Variants in RAD54B observed in about 807,000 individuals in gnomAD.
RAD54B encodes RAD54 homolog B.
A neutral mutation model predicts 95.8 loss-of-function variants in RAD54B; 78 were observed. The ratio of observed to expected loss-of-function variants is 0.81; its 90% CI spans 0.68 to 0.98. RAD54B has a LOEUF of 0.98. RAD54B is among the 50% of genes least tolerant of loss of function. The pLI is 0.00. For missense variants in RAD54B, 957 were observed against 1,056.6 expected, an observed-to-expected ratio of 0.91 and a Z score of 1.31; for synonymous variants, 328 against 354.9, an observed-to-expected ratio of 0.92 and a Z score of 0.85.
chr8:94,410,297 T>C (rs1228661228), intron 4 of RAD54B, among the ~76,000 whole-genome samples: 1 of 152,214 alleles, frequency 6.6e-6, no homozygotes, highest in Non-Finnish European at 1.5e-5. Flanking sequence ...GCAGATTAAA[T>C]GGTTCTTTTA....
intron 10 of RAD54B, among the ~76,000 whole-genome samples, chr8:94,389,696 CATTGCTTA>C (rs1325391146): frequency 6.6e-6 from 1 of 152,142 alleles, no homozygotes; most frequent in African/African-American, 2.4e-5. Context: ...AGTTACAAGC[CATTGCTTA>C]AAGGTTATTT....
At position 94,458,427 on chromosome 8, in the gene RAD54B, T is replaced by C; in HGVS notation, c.145A>G (p.Ile49Val). ...PDIKLFEGVA[I>V]NNTFLPSQND... Reference sequence around the variant, plus strand: ...TGTGACGGGAGAAAGGTGTTATTAATTGCAACACCCTAAAAGAAACAAATA... The same window carrying C: ...TGTGACGGGAGAAAGGTGTTATTAACTGCAACACCCTAAAAGAAACAAATA... The change falls in exon 3 of 15, where the codon ATT (isoleucine) becomes GTT (valine). Residue 49 changes from isoleucine (I) to valine (V), a missense_variant. By Grantham distance (29) the Ile-to-Val change is conservative. Coordinates refer to ENST00000336148, the MANE Select transcript of RAD54B (RefSeq NM_012415.3). 3.2e-6 allele frequency: 5 copies of C among 1,583,942 alleles called. No individual in the cohort carries two copies. The highest frequency in any genetic ancestry group is 1.4e-5 in the African/African-American group (1 of 73,788).
chr8:94,385,959 G>C lies in RAD54B; in HGVS notation c.1985+1025C>G, dbSNP rs542738607. Among the ~76,000 whole-genome samples the C allele has an allele frequency of 2.6e-5, 4 of 152,152 alleles. No individual in the cohort carries two copies. The South Asian group carries it at 8.3e-4, about 32-fold the overall frequency. ...CATTAACCATGTCATGAAGGGTCCT[G>C]CCTAATGTGCTAAAGAATTTAGAAA... On this transcript the variant is annotated intron_variant, in intron 11 of 14. Transcript: ENST00000336148.
chr8:94,427,116 A>G (rs1223116605), intron 3 of RAD54B, among the ~76,000 whole-genome samples: 2 of 152,132 alleles, frequency 1.3e-5, no homozygotes, highest in African/African-American at 4.8e-5. Flanking sequence ...GGGAAAAAAA[A>G]CTTTGTAACA....
At chr8:94,388,659 A>G (rs763255246) in intron 10 of RAD54B, among the ~76,000 whole-genome samples, 1 of 152,226 alleles carries the variant, frequency 6.6e-6, no homozygotes, top group Non-Finnish European at 1.5e-5. Context: ...CCTATGTGAA[A>G]TGTATAAAAA....
intron 3 of RAD54B, chr8:94,431,653 A>AT (rs1812099566): frequency 1.0e-5 from 10 of 963,810 alleles, no homozygotes; most frequent in Non-Finnish European, 1.2e-5. Flanking sequence ...AATATCTTCC[A>AT]TCTCTAAAAT....
rs539040480 is a variant in RAD54B at position 94,380,469 on chromosome 8, G to A, written c.1986-63C>T. ...AAGGCAGCATTAGATTTTCTTAGTT[G>A]AAAGAAAATACCACAATAATATTAT... On this transcript the variant is annotated intron_variant, in intron 11 of 14. Coordinates refer to ENST00000336148, the MANE Select transcript of RAD54B (RefSeq NM_012415.3). 1.1e-3 allele frequency: 1,573 copies of A among 1,446,988 alleles called. 4 individuals are homozygous for A. Among genetic ancestry groups the A allele is most frequent in the Non-Finnish European group, 1.4e-3 (1,458 of 1,072,100 alleles). 89.6% of individuals were successfully genotyped at this position (1,446,988 alleles called of 1,614,324 possible).
At chr8:94,389,232 G>A (rs907574075) in intron 10 of RAD54B, among the ~76,000 whole-genome samples, 8 of 152,198 alleles carry the variant, frequency 5.3e-5, no homozygotes, top group Admixed American at 5.2e-4. Flanking sequence ...TGGGATTATA[G>A]GCGTGAGCCA....
chr8:94,432,410 T>C (rs1411933391), intron 3 of RAD54B: 11 of 1,550,348 alleles, frequency 7.1e-6, no homozygotes, highest in Non-Finnish European at 9.6e-6. Flanking sequence ...GAATAGAAGA[T>C]GGAGACGATG....
At chr8:94,428,627 G>A (rs574527643) in intron 3 of RAD54B, 16 of 662,808 alleles carry the variant, frequency 2.4e-5, no homozygotes, top group East Asian at 1.4e-4. Flanking sequence ...TTTAAATTTC[G>A]TATTACTTTT....
chr8:94,382,076 T>C (rs906071482), intron 11 of RAD54B, among the ~76,000 whole-genome samples: 2 of 144,450 alleles, frequency 1.4e-5, no homozygotes, highest in African/African-American at 2.6e-5. Context: ...ATCGCGCCAC[T>C]GCACTCCAGC....
At chr8:94,412,626 G>A (rs1369093895) in intron 3 of RAD54B, among the ~76,000 whole-genome samples, 9 of 151,950 alleles carry the variant, frequency 5.9e-5, no homozygotes, top group African/African-American at 1.7e-4. Flanking sequence ...TGTCTTTTAC[G>A]TCATACACAC....
chr8:94,432,226 G>A, intron 3 of RAD54B: 2 of 1,550,282 alleles, frequency 1.3e-6, no homozygotes, highest in Non-Finnish European at 1.7e-6. Context: ...TCCTCTAGCT[G>A]CTGCCTTCTT....
chr8:94,399,487 A>G lies in RAD54B; in HGVS notation c.1305T>C (p.Arg435=). The G allele has an allele frequency of 5.6e-6, 9 of 1,613,704 alleles. No homozygotes were observed. The highest frequency in any genetic ancestry group is 7.6e-6 in the Non-Finnish European group (9 of 1,179,744). ...FDLLICDEGH[R]LKNSAIKTTT... Reference sequence around the variant, plus strand: ...TTGTCTTAATGGCACTGTTCTTCAAACGATGCCCCTCGTCACAGATTAGAA... The same window carrying G: ...TTGTCTTAATGGCACTGTTCTTCAAGCGATGCCCCTCGTCACAGATTAGAA... The change falls in exon 8 of 15, where the codon CGT becomes CGC. Residue 435 remains arginine, a synonymous_variant. Coordinates refer to ENST00000336148, the MANE Select transcript of RAD54B (RefSeq NM_012415.3).
At chr8:94,384,832 G>A (rs1810831033) in intron 11 of RAD54B, among the ~76,000 whole-genome samples, 1 of 152,176 alleles carries the variant, frequency 6.6e-6, no homozygotes, top group Admixed American at 6.5e-5. Context: ...GGAGTCAAAT[G>A]ACCATCACAC....
chr8:94,400,179 C>T (rs1811236922), intron 7 of RAD54B, 59 bp downstream of exon 7: 1 of 1,441,156 alleles, frequency 6.9e-7, no homozygotes. Context: ...AACTGAATTA[C>T]TGATTTGAAA....
At chr8:94,462,304 A>G (rs1321635650) in intron 2 of RAD54B, among the ~76,000 whole-genome samples, 1 of 152,168 alleles carries the variant, frequency 6.6e-6, no homozygotes, top group African/African-American at 2.4e-5. Context: ...AGATACTTGA[A>G]TATATTCAAA....
At chr8:94,431,942 A>C (rs13275820) in intron 3 of RAD54B, 1 of 1,279,520 alleles carries the variant, frequency 7.8e-7, no homozygotes, top group Admixed American at 3.6e-5. Context: ...AAAAACTATA[A>C]CCATGCCAAC....
At chr8:94,378,116 T>C in intron 14 of RAD54B, 64 bp downstream of exon 14, 4 of 1,246,276 alleles carry the variant, frequency 3.2e-6, no homozygotes, top group Non-Finnish European at 4.4e-6. Context: ...TTTAAATATT[T>C]TCAACTGCTA....
Sources: gnomAD v4.1 joint callset for allele counts (sites outside exome capture counted in the v4.1 genomes callset) on GRCh38, gnomAD v4.1.1 for gene constraint, MANE v1.5 for transcripts, NCBI Gene and HGNC (gene_info 2026-07-23, HGNC 2026-07-21) for gene names.